Variants in DNAJC15 observed in about 807,000 individuals in gnomAD.
DNAJC15 encodes dnaJ homolog subfamily C member 15.
Under a neutral mutation model 22.4 loss-of-function variants are expected in DNAJC15, and 27 were observed. The ratio of observed to expected loss-of-function variants is 1.20; its 90% confidence interval spans 0.89 to 1.66. The LOEUF (loss-of-function observed/expected upper bound fraction) is 1.66, where lower values mean the gene tolerates loss of function less well. Ranked by LOEUF, DNAJC15 falls within the 40% of genes most tolerant of loss-of-function variation. DNAJC15 has a pLI of 0.00. For missense variants in DNAJC15, 208 were observed against 187.1 expected (o/e 1.11, Z -0.65); for synonymous variants, 79 against 63.2 (o/e 1.25, Z -1.19).
chr13:43,055,353 A>G (rs185029043), intron 1 of DNAJC15, among the ~76,000 whole-genome samples: 3 of 152,176 alleles, frequency 2.0e-5, no homozygotes, highest in African/African-American at 7.2e-5. Context: ...GCCACCTGCC[A>G]CTAACTCCCT....
chr13:43,038,317 T>G (rs1371040307), intron 1 of DNAJC15, among the ~76,000 whole-genome samples: 1 of 152,232 alleles, frequency 6.6e-6, no homozygotes, highest in South Asian at 2.1e-4. Context: ...TTTGACAATT[T>G]GTAAGACTTT....
chr13:43,082,927 A>T (rs2040669628), intron 4 of DNAJC15, among the ~76,000 whole-genome samples: 1 of 151,738 alleles, frequency 6.6e-6, no homozygotes, highest in African/African-American at 2.4e-5. Flanking sequence ...TATATATGAA[A>T]TTTGGATTTT....
chr13:43,029,264 AT>A (rs2040394099), intron 1 of DNAJC15, among the ~76,000 whole-genome samples: 1 of 152,232 alleles, frequency 6.6e-6, no homozygotes, highest in Non-Finnish European at 1.5e-5. Context: ...TTAAATAAGT[AT>A]TTGTTGAATG....
At chr13:43,057,625 A>C (rs570213305) in intron 1 of DNAJC15, among the ~76,000 whole-genome samples, 1 of 152,276 alleles carries the variant, frequency 6.6e-6, no homozygotes, top group Non-Finnish European at 1.5e-5. Context: ...CTTGGTTTGG[A>C]TCCATTGCTG....
chr13:43,058,617 T>C (rs1405519937), intron 1 of DNAJC15, among the ~76,000 whole-genome samples: 1 of 152,126 alleles, frequency 6.6e-6, no homozygotes, highest in East Asian at 1.9e-4. Context: ...GCACTTCCTG[T>C]TTGAACCTCT....
chr13:43,050,129 A>C (rs897924501), intron 1 of DNAJC15, among the ~76,000 whole-genome samples: 1 of 152,110 alleles, frequency 6.6e-6, no homozygotes, highest in African/African-American at 2.4e-5. Flanking sequence ...CATGTTGGCC[A>C]GGCTGGTCTC....
chr13:43,035,923 T>C lies in DNAJC15; in HGVS notation c.108+12189T>C, dbSNP rs192296558. On this transcript the variant is annotated intron_variant, in intron 1 of 5. Transcript: ENST00000379221. ...TTATATTTGGTAGAGATGGGGGTCT[T>C]GCTATGTTGCCGAGGCTGGTCTTGA... is the stretch of plus-strand genomic sequence containing the variant. Among the ~76,000 whole-genome samples the C allele has an allele frequency of 4.9e-3, 749 of 152,022 alleles. 7 individuals carry two copies. Among genetic ancestry groups the C allele is most frequent in the Admixed American group, 5.4e-3 (83 of 15,244 alleles).
intron 3 of DNAJC15, among the ~76,000 whole-genome samples, chr13:43,074,415 T>C (rs1392381882): frequency 1.3e-5 from 2 of 152,180 alleles, no homozygotes; most frequent in African/African-American, 4.8e-5. Context: ...CCAGGATGTG[T>C]TTCTGTTTTC....
Position 43,109,932 on chromosome 13 carries a change from C to T in DNAJC15, c.*2684C>T, listed in dbSNP as rs536949307. On this transcript the variant is annotated 3_prime_UTR_variant, in exon 6 of 6. Coordinates refer to ENST00000379221, the MANE Select transcript of DNAJC15 (RefSeq NM_013238.3). Reference sequence around the variant, plus strand: ...TAAGGATGTGTAAAGCATTTAGTCACGTAAATGCTTAAAAAAATGTAATTT... The same window carrying T: ...TAAGGATGTGTAAAGCATTTAGTCATGTAAATGCTTAAAAAAATGTAATTT... 2 of 151,116 alleles carry T rather than the reference C, an allele frequency of 1.3e-5. No homozygotes were observed. The highest frequency in any genetic ancestry group is 2.1e-4 in the South Asian group (1 of 4,814). 9.4% of individuals were successfully genotyped at this position (151,116 alleles called of 1,614,324 possible).
chr13:43,067,876 A>C (rs1019483755), intron 2 of DNAJC15, among the ~76,000 whole-genome samples: 14 of 152,306 alleles, frequency 9.2e-5, no homozygotes, highest in Middle Eastern at 3.4e-3. Flanking sequence ...TCTATGTGAT[A>C]AGAGATACAG....
At chr13:43,026,837 C>T (rs1470854279) in intron 1 of DNAJC15, among the ~76,000 whole-genome samples, 1 of 151,856 alleles carries the variant, frequency 6.6e-6, no homozygotes, top group Non-Finnish European at 1.5e-5. Context: ...GGTTCAAGAC[C>T]CAGGGTGGGC....
intron 1 of DNAJC15, among the ~76,000 whole-genome samples, chr13:43,060,065 G>A (rs2040551317): frequency 6.6e-6 from 1 of 152,196 alleles, no homozygotes; most frequent in African/African-American, 2.4e-5. Flanking sequence ...GGTCACAAGG[G>A]ATATGATGGC....
chr13:43,094,284 A>C (rs1399101768), intron 5 of DNAJC15, among the ~76,000 whole-genome samples: 1 of 152,166 alleles, frequency 6.6e-6, no homozygotes, highest in Non-Finnish European at 1.5e-5. Flanking sequence ...GATGTATTTC[A>C]TTTTATCAGT....
chr13:43,031,565 A>G (rs941390767), intron 1 of DNAJC15, among the ~76,000 whole-genome samples: 4 of 152,224 alleles, frequency 2.6e-5, no homozygotes, highest in African/African-American at 9.6e-5. Context: ...GATGGCAGCA[A>G]TAAGAGTGAT....
intron 5 of DNAJC15, among the ~76,000 whole-genome samples, chr13:43,095,283 C>G (rs2040734251): frequency 6.6e-6 from 1 of 152,116 alleles, no homozygotes; most frequent in Admixed American, 6.5e-5. Context: ...TGATTTGATA[C>G]AGGAAATTTA....
chr13:43,065,664 A>G (rs893310298), intron 1 of DNAJC15, 22 bp from the exon 2 acceptor site: 1 of 1,599,572 alleles, frequency 6.3e-7, no homozygotes, highest in Non-Finnish European at 8.6e-7. Flanking sequence ...ATCATAAGTA[A>G]TATTCATTTT....
At chr13:43,075,466 T>C (rs183804100) in intron 3 of DNAJC15, among the ~76,000 whole-genome samples, 2 of 152,322 alleles carry the variant, frequency 1.3e-5, no homozygotes, top group Non-Finnish European at 2.9e-5. Context: ...CTCATTGAAA[T>C]ATTTTTTTCC....
At chr13:43,038,600 G>A (rs2456241) in intron 1 of DNAJC15, among the ~76,000 whole-genome samples, 83,826 of 151,780 alleles carry the variant, frequency 0.55, 23,544 homozygotes, top group African/African-American at 0.67. Flanking sequence ...AGACCATCCT[G>A]GCTAACACAG....
At chr13:43,049,123 A>AT (rs2040491597) in intron 1 of DNAJC15, among the ~76,000 whole-genome samples, 1 of 152,080 alleles carries the variant, frequency 6.6e-6, no homozygotes, top group Non-Finnish European at 1.5e-5. Context: ...TCATATCCCA[A>AT]TTTTTCCTAA....
Sources: gnomAD v4.1 joint callset for allele counts (sites outside exome capture counted in the v4.1 genomes callset) on GRCh38, gnomAD v4.1.1 for gene constraint, MANE v1.5 for transcripts, NCBI Gene and HGNC (gene_info 2026-07-23, HGNC 2026-07-21) for gene names.